KCNB2: variants seen among roughly 807,000 people sequenced by gnomAD.
The protein encoded by KCNB2 is delayed rectifier potassium channel protein.
Under a neutral mutation model 61.5 loss-of-function variants are expected in KCNB2, and 15 were observed. The observed-to-expected ratio is 0.24, with a 90% CI of 0.16 to 0.38. KCNB2 has a LOEUF of 0.38. Among genes scored for constraint, KCNB2 ranks in the 10% least tolerant of loss-of-function variants. The pLI is 1.00. For missense variants in KCNB2, 828 were observed against 1,125.2 expected (o/e 0.74, Z 3.78); for synonymous variants, 457 against 446.0 (o/e 1.02, Z -0.31).
chr8:72,569,315 A>G lies in KCNB2; in HGVS notation c.579+1002A>G, dbSNP rs1470617686. ...TCTTTTGATTTACTGTTTTTTTCTA[A>G]AATCTTCTCTCGTGAACAGTAATGA... On this transcript the variant is annotated intron_variant, in intron 2 of 2. Transcript: ENST00000523207. Among the ~76,000 whole-genome samples the G allele has an allele frequency of 4.3e-4, 65 of 152,156 alleles. 2 individuals carry two copies. The highest frequency in any genetic ancestry group is 4.3e-3 in the Admixed American group (65 of 15,280).
At chr8:72,843,079 GTAAATTTCCCTCTA>G (rs1809922363) in intron 2 of KCNB2, among the ~76,000 whole-genome samples, 1 of 152,014 alleles carries the variant, frequency 6.6e-6, no homozygotes, top group Non-Finnish European at 1.5e-5. Context: ...ATTTAGTGCT[GTAAATTTCCCTCTA>G]AACACTGCTT....
intron 2 of KCNB2, among the ~76,000 whole-genome samples, chr8:72,673,945 T>G (rs1806607024): frequency 6.6e-6 from 1 of 152,212 alleles, no homozygotes; most frequent in South Asian, 2.1e-4. Context: ...AATGGTGATT[T>G]TTATGTTAGG....
intron 2 of KCNB2, among the ~76,000 whole-genome samples, chr8:72,707,078 C>T (rs933231895): frequency 3.3e-5 from 5 of 152,178 alleles, no homozygotes; most frequent in East Asian, 1.9e-4. Flanking sequence ...GTAGGAACCA[C>T]GAGAGGTTAT....
At chr8:72,653,146 G>C (rs1367337320) in intron 2 of KCNB2, among the ~76,000 whole-genome samples, 1 of 152,078 alleles carries the variant, frequency 6.6e-6, no homozygotes, top group Admixed American at 6.6e-5. Flanking sequence ...AATTCAAGAT[G>C]ACCTTGTCCC....
At chr8:72,570,268 A>C (rs1806688585) in intron 2 of KCNB2, among the ~76,000 whole-genome samples, 3 of 152,172 alleles carry the variant, frequency 2.0e-5, no homozygotes, top group Non-Finnish European at 4.4e-5. Context: ...TGGTTTTGGA[A>C]AATTTTATGT....
chr8:72,727,555 CATAG>C (rs1258179748), intron 2 of KCNB2, among the ~76,000 whole-genome samples: 2 of 152,136 alleles, frequency 1.3e-5, no homozygotes, highest in African/African-American at 4.8e-5. Context: ...CAGCCCTCAG[CATAG>C]ATAAAGTCTT....
chr8:72,541,226 TATTATG>T (rs1184486288), intron 1 of KCNB2, among the ~76,000 whole-genome samples: 14 of 151,710 alleles, frequency 9.2e-5, no homozygotes, highest in African/African-American at 3.1e-4. Context: ...AAATGTAGAG[TATTATG>T]ATTATAAGTA....
chr8:72,866,269 C>A (rs894329582), intron 2 of KCNB2, among the ~76,000 whole-genome samples: 1 of 152,192 alleles, frequency 6.6e-6, no homozygotes, highest in Non-Finnish European at 1.5e-5. Flanking sequence ...CTTCCCAGTT[C>A]CACTCAATAC....
rs78269982 is a variant in KCNB2, at chr8:72,847,030, G to A, written c.580-88905G>A. Among the ~76,000 whole-genome samples the A allele has an allele frequency of 7.9e-4, 121 of 152,256 alleles. 2 individuals carry two copies. The East Asian group carries it at 0.019, about 25-fold the overall frequency. On this transcript the variant is annotated intron_variant, in intron 2 of 2. Transcript: ENST00000523207. ...CCCAAATGTCCATCAATGATAGACT[G>A]GATTAAGAAAATGTGGCACACATAC...
chr8:72,682,215 G>A (rs528825158), intron 2 of KCNB2, among the ~76,000 whole-genome samples: 8 of 152,206 alleles, frequency 5.3e-5, no homozygotes, highest in East Asian at 3.9e-4. Flanking sequence ...CATGATAAAC[G>A]TCCTCTGGAG....
intron 2 of KCNB2, among the ~76,000 whole-genome samples, chr8:72,572,585 T>A (rs577691277): frequency 1.3e-5 from 2 of 151,372 alleles, no homozygotes; most frequent in Admixed American, 6.6e-5. Context: ...TCTCTCTCTC[T>A]CTCACACAGA....
At chr8:72,898,476 C>T (rs1405697528) in intron 2 of KCNB2, among the ~76,000 whole-genome samples, 1 of 151,778 alleles carries the variant, frequency 6.6e-6, no homozygotes, top group African/African-American at 2.4e-5. Context: ...GAAAGCTGAC[C>T]ACTTATTTTG....
intron 2 of KCNB2, among the ~76,000 whole-genome samples, chr8:72,809,694 C>G (rs1056240389): frequency 6.6e-6 from 1 of 152,088 alleles, no homozygotes; most frequent in Non-Finnish European, 1.5e-5. Context: ...ATGGAAGCCC[C>G]AAAGATCCCA....
In KCNB2 at chr8:72,556,581, TAATG is replaced by T. The variant is rs1055955973; in HGVS notation, c.-93-11057_-93-11054del. Among the ~76,000 whole-genome samples, 11 of 152,238 alleles carry T rather than the reference TAATG, an allele frequency of 7.2e-5. No individual in the cohort carries two copies. The East Asian group carries it at 9.6e-4, about 13-fold the overall frequency. On this transcript the variant is annotated intron_variant, in intron 1 of 2. Transcript: ENST00000523207. ...AATAATGAATAGAAATAATATCTAA[TAATG>T]AATAGAAAAAAATCAAGCATACAAT...
intron 2 of KCNB2, among the ~76,000 whole-genome samples, chr8:72,703,171 TTC>T (rs1432240178): frequency 6.6e-6 from 1 of 152,210 alleles, no homozygotes; most frequent in Non-Finnish European, 1.5e-5. Context: ...TTCTCCATAA[TTC>T]TAAGCTCAGT....
intron 2 of KCNB2, among the ~76,000 whole-genome samples, chr8:72,714,252 G>T (rs894818033): frequency 2.0e-5 from 3 of 152,280 alleles, no homozygotes; most frequent in Admixed American, 1.3e-4. Context: ...TATTATCCAG[G>T]AGAACTTCCC....
At chr8:72,649,802 C>A (rs1259752724) in intron 2 of KCNB2, among the ~76,000 whole-genome samples, 4 of 152,106 alleles carry the variant, frequency 2.6e-5, no homozygotes, top group Non-Finnish European at 5.9e-5. Flanking sequence ...TCTGAACAGT[C>A]CTAAACATGA....
At chr8:72,630,706 GTTC>G (rs1286625269) in intron 2 of KCNB2, among the ~76,000 whole-genome samples, 2 of 152,160 alleles carry the variant, frequency 1.3e-5, no homozygotes, top group Non-Finnish European at 2.9e-5. Flanking sequence ...CTTTAGCTAT[GTTC>G]TTCTTAATTG....
At chr8:72,569,497 TC>T (rs576160263) in intron 2 of KCNB2, among the ~76,000 whole-genome samples, 10 of 152,344 alleles carry the variant, frequency 6.6e-5, no homozygotes, top group Middle Eastern at 3.4e-3. Flanking sequence ...CATTTTACTT[TC>T]CAGCCAGGAC....
Sources: gnomAD v4.1 joint callset for allele counts (sites outside exome capture counted in the v4.1 genomes callset) on GRCh38, gnomAD v4.1.1 for gene constraint, MANE v1.5 for transcripts, NCBI Gene and HGNC (gene_info 2026-07-23, HGNC 2026-07-21) for gene names.